The following ATP13A4 variants were observed in gnomAD, a reference collection of about 807,000 sequenced individuals.
ATP13A4 encodes ATPase 13A4.
Under a neutral mutation model 142.5 loss-of-function variants are expected in ATP13A4, and 114 were observed. The ratio of observed to expected loss-of-function variants is 0.80; its 90% CI spans 0.69 to 0.93. The LOEUF (loss-of-function observed/expected upper bound fraction) is 0.93. Ranked by LOEUF, ATP13A4 falls within the 40% of genes least tolerant of loss-of-function variation. The pLI, the probability that ATP13A4 is intolerant of heterozygous loss-of-function variation, is 0.00. For synonymous variants in ATP13A4, 488 were observed against 514.8 expected (o/e 0.95, Z 0.70); for missense variants, 1,392 against 1,454.0 (o/e 0.96, Z 0.69).
At chr3:193,433,714 T>C (rs534109760) in intron 25 of ATP13A4, 131 bp downstream of exon 25, 2 of 715,844 alleles carry the variant, frequency 2.8e-6, no homozygotes, top group Admixed American at 4.4e-5. Flanking sequence ...TCTGTGTATA[T>C]ATTTGGGAAT....
chr3:193,561,594 A>C (rs1195062562), intron 2 of ATP13A4, among the ~76,000 whole-genome samples: 2 of 152,154 alleles, frequency 1.3e-5, no homozygotes, highest in Non-Finnish European at 2.9e-5. Flanking sequence ...GGTAATGGGA[A>C]ATGTTATTTA....
intron 2 of ATP13A4, among the ~76,000 whole-genome samples, chr3:193,504,016 TGTGTGA>T (rs1003269199): frequency 2.1e-5 from 3 of 140,406 alleles, no homozygotes; most frequent in South Asian, 2.3e-4. Context: ...TGTGTGTGTG[TGTGTGA>T]GAGAGAGAGA....
intron 2 of ATP13A4, among the ~76,000 whole-genome samples, chr3:193,563,830 T>C (rs1477867848): frequency 6.6e-6 from 1 of 152,214 alleles, no homozygotes; most frequent in Non-Finnish European, 1.5e-5. Context: ...CAAAGAGCAC[T>C]GGAAGGAGAG....
chr3:193,504,883 T>A lies in ATP13A4; in HGVS notation c.235-2244A>T, dbSNP rs935535472. 3.8e-4 allele frequency among the ~76,000 whole-genome samples: 58 copies of A among 152,278 alleles called. 1 individual carries two copies. Among genetic ancestry groups the A allele is most frequent in the African/African-American group, 1.3e-3 (56 of 41,570 alleles). On this transcript the variant is annotated intron_variant, in intron 2 of 29. Coordinates refer to ENST00000342695, the MANE Select transcript of ATP13A4 (RefSeq NM_032279.4). ...TGAATTAAAATAATATTAACAACTTTCATATGTTTACCTAGCAGTTTCATA... is the reference window on the plus strand; with the variant it reads ...TGAATTAAAATAATATTAACAACTTACATATGTTTACCTAGCAGTTTCATA...
At chr3:193,436,320 G>C (rs1716264422) in intron 23 of ATP13A4, among the ~76,000 whole-genome samples, 1 of 152,254 alleles carries the variant, frequency 6.6e-6, no homozygotes, top group South Asian at 2.1e-4. Context: ...ATTTTCATTT[G>C]TGTTATTGTT....
intron 8 of ATP13A4, among the ~76,000 whole-genome samples, chr3:193,477,329 T>G (rs2108653255): frequency 6.6e-6 from 1 of 151,998 alleles, no homozygotes; most frequent in Non-Finnish European, 1.5e-5. Context: ...GGGTGGAGAG[T>G]TAATAGAACA....
chr3:193,553,286 A>T (rs984367244), intron 1 of ATP13A4: 2 of 152,224 alleles, frequency 1.3e-5, no homozygotes, highest in African/African-American at 4.8e-5. Flanking sequence ...GCTAGGGAAG[A>T]GGTAACAGTT....
In ATP13A4 at chr3:193,466,053, T is replaced by C. The variant is rs772362306; in HGVS notation, c.1244A>G (p.Tyr415Cys). 10 of 1,614,158 alleles carry C rather than the reference T, an allele frequency of 6.2e-6. No homozygotes were observed. The Admixed American group carries it at 8.3e-5, about 13-fold the overall frequency. ...ACTAAGCACATAGACACACAGAGTA[T>C]AGATCATCCCAATGGTGGCTGTTCC... ...LVGTATIGMIYTLCVYVLSGE... is the reference protein window; with the variant it reads ...LVGTATIGMICTLCVYVLSGE... Residue 415 changes from tyrosine (Y) to cysteine (C), a missense_variant, in exon 11 of 30, where the codon TAT (tyrosine) becomes TGT (cysteine). Tyr to Cys is a radical substitution (Grantham distance 194). Transcript: ENST00000342695.
At position 193,481,825 on chromosome 3, in the gene ATP13A4, T is replaced by C. The variant is rs549746320; in HGVS notation, c.808+2111A>G. The stretch of plus-strand genomic sequence containing the variant: ...TATGTTATTGTACATTTCATATTAG[T>C]ACTGAATGAGGAATTCTAACAGATT... On this transcript the variant is annotated intron_variant, in intron 8 of 29. Transcript: ENST00000342695. 1.1e-3 allele frequency among the ~76,000 whole-genome samples: 172 copies of C among 152,312 alleles called. 3 individuals are homozygous for C. The Middle Eastern group carries it at 0.024, about 21-fold the overall frequency.
intron 8 of ATP13A4, among the ~76,000 whole-genome samples, chr3:193,482,941 C>T (rs13091394): frequency 0.49 from 74,509 of 151,924 alleles, 18,487 homozygotes; most frequent in African/African-American, 0.59. Flanking sequence ...GGCTTGTATC[C>T]AAATGATCAT....
At chr3:193,581,691 A>C (rs969410943) in intron 2 of ATP13A4, 5 of 151,944 alleles carry the variant, frequency 3.3e-5, no homozygotes, top group African/African-American at 1.2e-4. Flanking sequence ...AGGGACACTT[A>C]AGGGAAAACA....
At chr3:193,528,110 C>T (rs576534596) in intron 1 of ATP13A4, among the ~76,000 whole-genome samples, 73 of 152,302 alleles carry the variant, frequency 4.8e-4, no homozygotes, top group African/African-American at 1.7e-3. Context: ...GTTTCTGTTG[C>T]ACCATTTGTG....
intron 7 of ATP13A4, among the ~76,000 whole-genome samples, chr3:193,488,090 A>T (rs574676739): frequency 7.9e-5 from 12 of 152,188 alleles, no homozygotes; most frequent in African/African-American, 2.9e-4. Flanking sequence ...ATGGTGAAAC[A>T]CCGTCTCGAC....
At chr3:193,436,560 G>A (rs576990197) in intron 23 of ATP13A4, among the ~76,000 whole-genome samples, 4 of 151,856 alleles carry the variant, frequency 2.6e-5, no homozygotes, top group South Asian at 2.1e-4. Context: ...TGATTCGCCC[G>A]CCTCAGCCTC....
At chr3:193,464,849 T>C (rs992458673) in intron 12 of ATP13A4, 91 bp downstream of exon 12, 2 of 1,366,296 alleles carry the variant, frequency 1.5e-6, no homozygotes, top group African/African-American at 2.9e-5. Context: ...CCACATTCTA[T>C]GTCTCCTGCC....
intron 2 of ATP13A4, among the ~76,000 whole-genome samples, chr3:193,510,185 G>A (rs530252291): frequency 1.3e-5 from 2 of 152,248 alleles, no homozygotes; most frequent in South Asian, 4.2e-4. Context: ...AGATGCTGCC[G>A]CCTGACGAGA....
At chr3:193,409,658 G>A (rs1714670542) in intron 28 of ATP13A4, among the ~76,000 whole-genome samples, 1 of 152,118 alleles carries the variant, frequency 6.6e-6, no homozygotes, top group Admixed American at 6.6e-5. Context: ...TAACAACAGT[G>A]GTAATTACAC....
intron 29 of ATP13A4, among the ~76,000 whole-genome samples, chr3:193,403,084 C>T (rs145108435): frequency 2.4e-4 from 37 of 152,288 alleles, no homozygotes; most frequent in African/African-American, 8.4e-4. Context: ...AGAGGTACAA[C>T]ATTTCAAGAC....
intron 7 of ATP13A4, among the ~76,000 whole-genome samples, chr3:193,484,356 A>AATAG: frequency 6.6e-6 from 1 of 151,626 alleles, no homozygotes; most frequent in African/African-American, 2.4e-5. Flanking sequence ...TAAATAAATA[A>AATAG]GGAGTATGGT....
Sources: gnomAD v4.1 joint callset for allele counts (sites outside exome capture counted in the v4.1 genomes callset) on GRCh38, gnomAD v4.1.1 for gene constraint, MANE v1.5 for transcripts, NCBI Gene and HGNC (gene_info 2026-07-23, HGNC 2026-07-21) for gene names.